The following SCFD2 variants were observed in gnomAD, a reference collection of about 807,000 sequenced individuals.
The protein encoded by SCFD2 is sec1 family domain containing 2.
SCFD2 carries 54 observed loss-of-function variants against 58.9 expected under a neutral mutation model. The ratio of observed to expected loss-of-function variants is 0.92; its 90% CI spans 0.74 to 1.15. SCFD2 has a LOEUF of 1.15. Ranked by LOEUF, SCFD2 falls within the 50% of genes most tolerant of loss-of-function variation. The pLI, the probability that SCFD2 is intolerant of heterozygous loss-of-function variation, is 0.00. For synonymous variants in SCFD2, 321 were observed against 335.9 expected (o/e 0.96, Z 0.49); for missense variants, 805 against 836.6 (o/e 0.96, Z 0.47).
At chr4:53,185,828 T>C (rs1560375612) in intron 4 of SCFD2, among the ~76,000 whole-genome samples, 2 of 152,096 alleles carry the variant, frequency 1.3e-5, no homozygotes, top group African/African-American at 2.4e-5. Flanking sequence ...TAAAAGTTAA[T>C]AAAACTGGCT....
chr4:52,994,859 A>G (rs1560504777), intron 5 of SCFD2, among the ~76,000 whole-genome samples: 1 of 152,200 alleles, frequency 6.6e-6, no homozygotes, highest in Non-Finnish European at 1.5e-5. Context: ...CATCATCGTC[A>G]TAAAAAAAAA....
At chr4:53,299,819 A>G (rs888812213) in intron 3 of SCFD2, among the ~76,000 whole-genome samples, 2 of 152,156 alleles carry the variant, frequency 1.3e-5, no homozygotes, top group Non-Finnish European at 2.9e-5. Flanking sequence ...AAGAATTTTC[A>G]ACCCAGAATT....
intron 5 of SCFD2, among the ~76,000 whole-genome samples, chr4:52,980,201 C>T (rs1872042): frequency 0.017 from 2,538 of 152,234 alleles, 77 homozygotes; most frequent in African/African-American, 0.057. Context: ...ATAATAATAA[C>T]GGCAGTTACA....
At chr4:53,026,005 AT>A (rs1003873921) in intron 5 of SCFD2, among the ~76,000 whole-genome samples, 27 of 149,558 alleles carry the variant, frequency 1.8e-4, no homozygotes, top group South Asian at 8.5e-4. Flanking sequence ...ACGGTTTTTC[AT>A]TTTTTTTTTC....
chr4:53,164,216 C>A (rs1040220764), intron 4 of SCFD2, among the ~76,000 whole-genome samples: 3 of 152,068 alleles, frequency 2.0e-5, no homozygotes. Context: ...GCCTGGTGTG[C>A]GAGGTATATT....
At chr4:53,315,110 T>C (rs552231787) in intron 2 of SCFD2, among the ~76,000 whole-genome samples, 7 of 152,106 alleles carry the variant, frequency 4.6e-5, no homozygotes, top group African/African-American at 1.2e-4. Flanking sequence ...TAGGTGTTTA[T>C]GCAAGCATAA....
intron 2 of SCFD2, among the ~76,000 whole-genome samples, chr4:53,330,784 A>G (rs555623624): frequency 6.6e-6 from 1 of 152,280 alleles, no homozygotes; most frequent in East Asian, 1.9e-4. Flanking sequence ...TGCTCCAATT[A>G]AAAGACACAG....
At chr4:53,121,889 G>A (rs1434891731) in intron 5 of SCFD2, among the ~76,000 whole-genome samples, 2 of 152,104 alleles carry the variant, frequency 1.3e-5, no homozygotes, top group Non-Finnish European at 2.9e-5. Flanking sequence ...CATTAATCAA[G>A]AATGCTAATA....
chr4:53,327,629 G>A (rs1327558176), intron 2 of SCFD2, among the ~76,000 whole-genome samples: 1 of 152,166 alleles, frequency 6.6e-6, no homozygotes, highest in Non-Finnish European at 1.5e-5. Context: ...CCACATAGAG[G>A]AGGAGGAAAA....
intron 7 of SCFD2, among the ~76,000 whole-genome samples, chr4:52,886,356 G>C (rs1718741292): frequency 6.6e-6 from 1 of 152,194 alleles, no homozygotes; most frequent in Admixed American, 6.5e-5. Flanking sequence ...CCTCTCTGCT[G>C]AGAGCTGTTC....
chr4:53,366,023 A>C lies in SCFD2; in HGVS notation c.-82T>G. ...CCGCTTCCGGAAATTGGGCTCCGGG[A>C]GACTTTGACAGTCTCCACAGTACAC... On this transcript the variant is annotated 5_prime_UTR_variant, in exon 1 of 9. Coordinates refer to ENST00000401642, the MANE Select transcript of SCFD2 (RefSeq NM_152540.4). 2.1e-6 allele frequency: 3 copies of C among 1,463,130 alleles called. No individual in the cohort carries two copies. Among genetic ancestry groups the C allele is most frequent in the Non-Finnish European group, 2.7e-6 (3 of 1,099,910 alleles). 90.6% of individuals were successfully genotyped at this position (1,463,130 alleles called of 1,614,324 possible). A position where few individuals can be genotyped will look rare whatever the true frequency, so the allele number is the denominator to read the frequency against.
intron 6 of SCFD2, among the ~76,000 whole-genome samples, chr4:52,913,491 CGTAGACAGGACTGTCTA>C (rs1560479092): frequency 6.6e-6 from 1 of 152,168 alleles, no homozygotes; most frequent in African/African-American, 2.4e-5. Flanking sequence ...TCCCATCACC[CGTAGACAGGACTGTCTA>C]GTTTCAGGAA....
chr4:53,178,172 G>A (rs190319290), intron 4 of SCFD2, among the ~76,000 whole-genome samples: 198 of 151,376 alleles, frequency 1.3e-3, no homozygotes, highest in African/African-American at 3.9e-3. Context: ...TGGTTCTCCC[G>A]TCATGCCTGA....
intron 5 of SCFD2, among the ~76,000 whole-genome samples, chr4:53,011,315 C>T (rs772115237): frequency 1.3e-5 from 2 of 152,174 alleles, no homozygotes; most frequent in South Asian, 2.1e-4. Flanking sequence ...ATAGCTCCAG[C>T]CTTCCACAGC....
intron 5 of SCFD2, among the ~76,000 whole-genome samples, chr4:53,066,489 C>T (rs1723666418): frequency 6.6e-6 from 1 of 151,992 alleles, no homozygotes; most frequent in Non-Finnish European, 1.5e-5. Flanking sequence ...CCAAAAAGTA[C>T]AGCTGTAAAA....
intron 5 of SCFD2, among the ~76,000 whole-genome samples, chr4:53,132,658 G>A (rs1244604218): frequency 3.3e-5 from 5 of 152,132 alleles, no homozygotes; most frequent in Admixed American, 2.0e-4. Context: ...CTGAGTGGGT[G>A]GATTTGACAG....
intron 5 of SCFD2, among the ~76,000 whole-genome samples, chr4:53,074,648 A>G (rs1185621370): frequency 6.6e-6 from 1 of 152,210 alleles, no homozygotes; most frequent in Non-Finnish European, 1.5e-5. Flanking sequence ...CATAAGAACA[A>G]CATTCATCTC....
intron 4 of SCFD2, among the ~76,000 whole-genome samples, chr4:53,262,593 G>C (rs1278992291): frequency 6.6e-6 from 1 of 152,164 alleles, no homozygotes; most frequent in Admixed American, 6.5e-5. Flanking sequence ...ATCCCTTCTA[G>C]CTTGTAGGAT....
chr4:53,278,300 A>T (rs533369524), intron 3 of SCFD2, among the ~76,000 whole-genome samples: 1 of 151,310 alleles, frequency 6.6e-6, no homozygotes, highest in Non-Finnish European at 1.5e-5. Flanking sequence ...CGGGAGGTGG[A>T]GTAAGCCGAG....
Sources: allele counts gnomAD v4.1 joint callset (sites outside exome capture counted in the v4.1 genomes callset), GRCh38; gene constraint gnomAD v4.1.1; transcripts MANE v1.5; gene names NCBI Gene and HGNC (gene_info 2026-07-23, HGNC 2026-07-21).